Variants in RPH3A observed in about 807,000 individuals in gnomAD.
The protein encoded by RPH3A is rabphilin-3A.
A neutral mutation model predicts 102.2 loss-of-function variants in RPH3A; 48 were observed. The ratio of observed to expected loss-of-function variants is 0.47; its 90% CI spans 0.37 to 0.60. The LOEUF is 0.60. Among genes scored for constraint, RPH3A ranks in the 20% least tolerant of loss-of-function variants. RPH3A has a pLI of 0.00. For missense variants in RPH3A, 781 were observed against 910.1 expected, an observed-to-expected ratio of 0.86 and a Z score of 1.83; for synonymous variants, 310 against 324.3, an observed-to-expected ratio of 0.96 and a Z score of 0.47.
intron 2 of RPH3A, among the ~76,000 whole-genome samples, chr12:112,813,741 G>T (rs915203372): frequency 6.6e-6 from 1 of 151,762 alleles, no homozygotes; most frequent in African/African-American, 2.4e-5. Context: ...ACAAAAGTGG[G>T]TGCTGCTACA....
intron 2 of RPH3A, among the ~76,000 whole-genome samples, chr12:112,798,140 A>G (rs1422620112): frequency 6.6e-6 from 1 of 152,202 alleles, no homozygotes; most frequent in African/African-American, 2.4e-5. Flanking sequence ...ATGATATAAC[A>G]CACGCTTAAA....
In RPH3A at chr12:112,742,379, C is replaced by T. The variant is rs142126910; in HGVS notation, c.-139-49764C>T. Among the ~76,000 whole-genome samples, 413 of 152,140 alleles carry T rather than the reference C, an allele frequency of 2.7e-3. 2 individuals carry two copies. The highest frequency in any genetic ancestry group is 8.5e-3 in the African/African-American group (354 of 41,488). ...GAAGCATCCACAGCAGCAGGAGCCA[C>T]GGCACCGAGACGGCCATGAGGAAAT... On this transcript the variant is annotated intron_variant, in intron 1 of 21. Coordinates refer to the RPH3A transcript ENST00000543106.
chr12:112,819,502 C>T (rs1375914790), intron 2 of RPH3A, among the ~76,000 whole-genome samples: 1 of 152,210 alleles, frequency 6.6e-6, no homozygotes, highest in Non-Finnish European at 1.5e-5. Flanking sequence ...GATCCCAGTG[C>T]TCTGGGTCTG....
At chr12:112,890,797 T>C in intron 18 of RPH3A, 52 bp from the exon 19 acceptor site, 1 of 1,587,652 alleles carries the variant, frequency 6.3e-7, no homozygotes, top group South Asian at 1.1e-5. Flanking sequence ...GCCATTCACA[T>C]TTCCTGGCCC....
chr12:112,634,944 A>AT (rs988934185), intron 1 of RPH3A, among the ~76,000 whole-genome samples: 15 of 152,022 alleles, frequency 9.9e-5, no homozygotes, highest in Non-Finnish European at 2.1e-4. Context: ...TTGTTTTTAC[A>AT]TTTTTTTCCT....
intron 5 of RPH3A, among the ~76,000 whole-genome samples, chr12:112,856,680 G>A (rs749690856): frequency 1.3e-5 from 2 of 152,156 alleles, no homozygotes; most frequent in South Asian, 2.1e-4. Flanking sequence ...GACAGACTTC[G>A]CAGGCAGATG....
intron 1 of RPH3A, among the ~76,000 whole-genome samples, chr12:112,782,940 G>A (rs1395464169): frequency 6.6e-6 from 1 of 152,212 alleles, no homozygotes; most frequent in African/African-American, 2.4e-5. Context: ...GGGTCACACA[G>A]TAGGTATGTG....
chr12:112,697,726 A>G (rs2384049), intron 1 of RPH3A, among the ~76,000 whole-genome samples: 122,825 of 152,100 alleles, frequency 0.81, 50,752 homozygotes, highest in East Asian at 1. Flanking sequence ...TTAGCCAGGC[A>G]TGGTGGCATA....
chr12:112,879,216 T>C lies in RPH3A; in HGVS notation c.1251+18T>C. 1 of 1,607,672 alleles carries C rather than the reference T, an allele frequency of 6.2e-7. No homozygotes were observed. The highest frequency in any genetic ancestry group is 8.5e-7 in the Non-Finnish European group (1 of 1,175,056). ...AGGCCAAGGTGGGTGATGGGGACCA[T>C]GCAGGGAACCTCTCAGGATGCTCTG... On this transcript the variant is annotated intron_variant, in intron 14 of 21. Transcript: ENST00000389385.
At chr12:112,602,088 C>T (rs992214174) in intron 1 of RPH3A, among the ~76,000 whole-genome samples, 9 of 152,174 alleles carry the variant, frequency 5.9e-5, no homozygotes, top group African/African-American at 2.2e-4. Flanking sequence ...TTCAGATAGA[C>T]TGGGGATGTT....
chr12:112,617,105 GCT>G (rs2039686013), intron 1 of RPH3A, among the ~76,000 whole-genome samples: 1 of 152,212 alleles, frequency 6.6e-6, no homozygotes, highest in Non-Finnish European at 1.5e-5. Flanking sequence ...TGCAGCCTAA[GCT>G]CTTTCTCTCT....
chr12:112,835,835 G>A (rs1037731284), intron 3 of RPH3A, among the ~76,000 whole-genome samples: 2 of 149,860 alleles, frequency 1.3e-5, no homozygotes, highest in South Asian at 4.3e-4. Flanking sequence ...AGAAATGAAT[G>A]CGTTTTCTTC....
At chr12:112,803,226 A>C (rs1014152121) in intron 2 of RPH3A, among the ~76,000 whole-genome samples, 3 of 152,132 alleles carry the variant, frequency 2.0e-5, no homozygotes, top group African/African-American at 7.2e-5. Flanking sequence ...CCAGTGTTAC[A>C]TCACCCTATT....
intron 2 of RPH3A, among the ~76,000 whole-genome samples, chr12:112,804,572 C>T (rs1345606671): frequency 6.6e-6 from 1 of 152,252 alleles, no homozygotes; most frequent in African/African-American, 2.4e-5. Flanking sequence ...CTCGTGACAG[C>T]TGGCTGGCTG....
At chr12:112,612,362 T>C (rs2039645411) in intron 1 of RPH3A, among the ~76,000 whole-genome samples, 1 of 152,174 alleles carries the variant, frequency 6.6e-6, no homozygotes, top group Non-Finnish European at 1.5e-5. Context: ...ACACACCCCT[T>C]TAACGGGCCC....
At chr12:112,800,339 G>A (rs2041317964) in intron 2 of RPH3A, among the ~76,000 whole-genome samples, 1 of 152,142 alleles carries the variant, frequency 6.6e-6, no homozygotes, top group Admixed American at 6.5e-5. Context: ...CAACTGTGGT[G>A]GCCCCAAGGG....
At chr12:112,880,259 CATTTATTGGGCACCAA>C (rs2042885466) in intron 14 of RPH3A, among the ~76,000 whole-genome samples, 1 of 152,172 alleles carries the variant, frequency 6.6e-6, no homozygotes, top group Non-Finnish European at 1.5e-5. Flanking sequence ...AATATATCAT[CATTTATTGGGCACCAA>C]GTATGTATCA....
intron 1 of RPH3A, among the ~76,000 whole-genome samples, chr12:112,617,257 T>TC (rs763364196): frequency 1.3e-5 from 2 of 152,162 alleles, no homozygotes; most frequent in Non-Finnish European, 2.9e-5. Context: ...TTCCTGCTGG[T>TC]CCCTGCATGT....
chr12:112,868,212 T>G lies in RPH3A; in HGVS notation c.445-218T>G, dbSNP rs1053431650. The G allele has an allele frequency of 1.2e-5, 6 of 501,078 alleles. No individual in the cohort carries two copies. The Admixed American group carries it at 2.0e-4, about 17-fold the overall frequency. 31.0% of individuals were successfully genotyped at this position (501,078 alleles called of 1,614,324 possible). The stretch of plus-strand genomic sequence containing the variant: ...CCCCTTTCTCCATCCAAACTCCACT[T>G]TCTTCATGGGTAAACTGAAGCCCTT... On this transcript the variant is annotated intron_variant, in intron 7 of 21. Transcript: ENST00000389385.
Sources: allele counts gnomAD v4.1 joint callset (sites outside exome capture counted in the v4.1 genomes callset), GRCh38; gene constraint gnomAD v4.1.1; transcripts MANE v1.5; gene names NCBI Gene and HGNC (gene_info 2026-07-23, HGNC 2026-07-21).